The following ELMO1 variants were observed in gnomAD, a reference collection of about 807,000 sequenced individuals.
ELMO1 encodes the protein engulfment and cell motility 1.
In ELMO1, 26 loss-of-function variants were observed where a neutral mutation model predicts 98.9. That is an observed-to-expected ratio of 0.26 (90% CI 0.19 to 0.36). ELMO1 has a LOEUF of 0.36. Ranked by LOEUF, ELMO1 falls within the 10% of genes least tolerant of loss-of-function variation. The probability of loss-of-function intolerance (pLI) is 1.00; values close to 1 mark genes in which losing one functional copy is unlikely to be tolerated. For missense variants in ELMO1, 627 were observed against 935.2 expected (o/e 0.67, Z 4.30); for synonymous variants, 346 against 346.0 (o/e 1.00, Z 0.00).
At chr7:37,303,580 C>T (rs1583501089) in intron 4 of ELMO1, among the ~76,000 whole-genome samples, 1 of 152,168 alleles carries the variant, frequency 6.6e-6, no homozygotes, top group East Asian at 1.9e-4. Flanking sequence ...ATCTTCTTTA[C>T]TAATAATGGT....
chr7:37,037,401 T>C (rs13229510), intron 15 of ELMO1, among the ~76,000 whole-genome samples: 18,007 of 152,196 alleles, frequency 0.12, 1,523 homozygotes, highest in African/African-American at 0.25. Flanking sequence ...ATTCTTTTAC[T>C]GGGTTCCAGC....
rs202224629 is a variant in ELMO1, at chr7:37,182,108, T to C, written c.1086+29278A>G. Among the ~76,000 whole-genome samples, 4 of 152,096 alleles carry C rather than the reference T, an allele frequency of 2.6e-5. No individual in the cohort carries two copies. In the East Asian group the frequency reaches 5.8e-4, roughly 22 times the overall value. ...AGGTAAGAGGTGACCAGCTAAGGCA[T>C]GGGGTTTGGTGTGGGCTTCCCACCG... On this transcript the variant is annotated intron_variant, in intron 13 of 21. Transcript: ENST00000310758.
chr7:36,966,853 G>A (rs1232081518), intron 16 of ELMO1, among the ~76,000 whole-genome samples: 1 of 152,232 alleles, frequency 6.6e-6, no homozygotes, highest in Non-Finnish European at 1.5e-5. Context: ...TTAACCATCT[G>A]GAAAACATGA....
chr7:37,121,379 A>G (rs564314596), intron 14 of ELMO1, among the ~76,000 whole-genome samples: 1 of 152,196 alleles, frequency 6.6e-6, no homozygotes, highest in Non-Finnish European at 1.5e-5. Context: ...AACCTCAAAA[A>G]AAGATTAGAC....
At chr7:36,961,654 T>G (rs1007897918) in intron 16 of ELMO1, among the ~76,000 whole-genome samples, 2 of 152,260 alleles carry the variant, frequency 1.3e-5, no homozygotes, top group Non-Finnish European at 2.9e-5. Flanking sequence ...CTTAATGGTT[T>G]GATATTTATG....
chr7:36,873,823 G>T (rs1803733365), intron 19 of ELMO1, among the ~76,000 whole-genome samples: 1 of 152,206 alleles, frequency 6.6e-6, no homozygotes, highest in Non-Finnish European at 1.5e-5. Flanking sequence ...TACTGAAAAA[G>T]CAAATGTGGC....
At chr7:36,927,946 C>T (rs117577678) in intron 16 of ELMO1, among the ~76,000 whole-genome samples, 4,132 of 152,252 alleles carry the variant, frequency 0.027, 97 homozygotes, top group Admixed American at 0.077. Flanking sequence ...TTCTGGGAAG[C>T]CAGCCTTGGA....
intron 15 of ELMO1, among the ~76,000 whole-genome samples, chr7:37,014,478 G>C (rs1251669271): frequency 2.0e-5 from 3 of 152,056 alleles, no homozygotes; most frequent in African/African-American, 4.8e-5. Context: ...GAACGTGCAG[G>C]TTTGTTACAT....
intron 15 of ELMO1, among the ~76,000 whole-genome samples, chr7:37,017,298 G>T (rs1226521788): frequency 1.3e-5 from 2 of 151,702 alleles, no homozygotes; most frequent in Non-Finnish European, 3.0e-5. Flanking sequence ...ACGTATCAAG[G>T]TTTCCCCAGG....
intron 8 of ELMO1, among the ~76,000 whole-genome samples, chr7:37,229,121 C>G (rs1043845287): frequency 6.6e-6 from 1 of 152,096 alleles, no homozygotes; most frequent in Non-Finnish European, 1.5e-5. Flanking sequence ...GTCTCTAAAG[C>G]AAAATGGTGG....
At chr7:37,111,224 A>T (rs1020126181) in intron 14 of ELMO1, among the ~76,000 whole-genome samples, 1 of 152,230 alleles carries the variant, frequency 6.6e-6, no homozygotes, top group Non-Finnish European at 1.5e-5. Flanking sequence ...ATGACTTGGC[A>T]TTATGGACTG....
At chr7:37,418,030 T>C (rs549950212) in intron 1 of ELMO1, among the ~76,000 whole-genome samples, 1 of 152,218 alleles carries the variant, frequency 6.6e-6, no homozygotes, top group East Asian at 1.9e-4. Flanking sequence ...GACTGCTAGT[T>C]TCTAGAGCTG....
intron 1 of ELMO1, among the ~76,000 whole-genome samples, chr7:37,394,370 C>T (rs1803204442): frequency 6.6e-6 from 1 of 152,096 alleles, no homozygotes; most frequent in African/African-American, 2.4e-5. Context: ...TGGGAGGAGA[C>T]TAGAGAACGA....
chr7:37,221,909 G>T (rs1793619125), intron 10 of ELMO1, among the ~76,000 whole-genome samples: 1 of 152,104 alleles, frequency 6.6e-6, no homozygotes, highest in African/African-American at 2.4e-5. Context: ...TATTGACAAG[G>T]CTAGTCTCAG....
chr7:37,054,349 C>T (rs1299891261), intron 15 of ELMO1, among the ~76,000 whole-genome samples: 2 of 152,130 alleles, frequency 1.3e-5, no homozygotes, highest in Admixed American at 6.5e-5. Flanking sequence ...CCCTCAGCCC[C>T]TTAGCATACA....
intron 15 of ELMO1, among the ~76,000 whole-genome samples, chr7:37,063,362 T>G (rs1174737859): frequency 6.6e-6 from 1 of 152,164 alleles, no homozygotes; most frequent in Non-Finnish European, 1.5e-5. Context: ...TTCTTTACTA[T>G]GCTGCTACTT....
intron 15 of ELMO1, among the ~76,000 whole-genome samples, chr7:37,082,843 G>A (rs1324702174): frequency 2.6e-5 from 4 of 152,202 alleles, no homozygotes; most frequent in African/African-American, 9.7e-5. Flanking sequence ...CTTTGAGGTT[G>A]CCTATTCCCC....
intron 12 of ELMO1, 145 bp downstream of exon 12, chr7:37,213,190 G>T: frequency 9.8e-7 from 1 of 1,022,600 alleles, no homozygotes; most frequent in Non-Finnish European, 1.4e-6. Flanking sequence ...TAATTTTGAA[G>T]CCATGCCCCT....
chr7:37,003,784 T>G (rs563364009), intron 16 of ELMO1, among the ~76,000 whole-genome samples: 10 of 152,324 alleles, frequency 6.6e-5, no homozygotes, highest in African/African-American at 2.2e-4. Flanking sequence ...AAATCTCACT[T>G]AGGATCTCCT....
Sources: gnomAD v4.1 joint callset for allele counts (sites outside exome capture counted in the v4.1 genomes callset) on GRCh38, gnomAD v4.1.1 for gene constraint, MANE v1.5 for transcripts, NCBI Gene and HGNC (gene_info 2026-07-23, HGNC 2026-07-21) for gene names.